PRH1: variants seen among roughly 807,000 people sequenced by gnomAD.
PRH1 encodes the protein salivary acidic proline-rich phosphoprotein 1/2.
In PRH1, 7 loss-of-function variants were observed where a neutral mutation model predicts 7.9. The observed-to-expected ratio is 0.89, with a 90% confidence interval of 0.50 to 1.67. The LOEUF is 1.67. PRH1 is among the 40% of genes most tolerant of loss of function. The pLI is 0.00. For synonymous variants in PRH1, 45 were observed against 80.8 expected (o/e 0.56, Z 2.38); for missense variants, 109 against 223.6 (o/e 0.49, Z 3.27).
intron 2 of PRH1, among the ~76,000 whole-genome samples, chr12:10,897,159 G>A (rs930486009): frequency 2.6e-5 from 4 of 151,956 alleles, no homozygotes; most frequent in Non-Finnish European, 5.9e-5. Flanking sequence ...TGTCTGATAC[G>A]GTAGATACTA....
At chr12:11,056,655 T>C (rs560322672) in intron 1 of PRH1, among the ~76,000 whole-genome samples, 41 of 152,212 alleles carry the variant, frequency 2.7e-4, no homozygotes, top group African/African-American at 7.9e-4. Flanking sequence ...CTATATCCAC[T>C]AGAAATGCAA....
upstream of PRH1, chr12:11,049,162 A>C (rs750046615): frequency 7.5e-5 from 72 of 962,586 alleles, no homozygotes; most frequent in Non-Finnish European, 9.2e-5. Flanking sequence ...CCACTCAAGG[A>C]CACCTACTAG....
At chr12:11,156,496 A>G (rs1947252736) in intron 1 of PRH1, among the ~76,000 whole-genome samples, 1 of 152,188 alleles carries the variant, frequency 6.6e-6, no homozygotes, top group African/African-American at 2.4e-5. Flanking sequence ...TTCTGACTGT[A>G]GCCTCAATGC....
intron 1 of PRH1, among the ~76,000 whole-genome samples, chr12:11,001,984 C>T (rs980081246): frequency 8.6e-5 from 13 of 151,982 alleles, no homozygotes; most frequent in African/African-American, 2.9e-4. Flanking sequence ...TTATTAACAC[C>T]GCAACTAAAT....
chr12:11,035,907 G>T (rs1942415684), intron 1 of PRH1, among the ~76,000 whole-genome samples: 1 of 151,968 alleles, frequency 6.6e-6, no homozygotes, highest in South Asian at 2.1e-4. Flanking sequence ...GTTTTGTTTT[G>T]TTTTTTGAGA....
chr12:11,091,115 C>CATATAT (rs1555163213), intron 1 of PRH1, among the ~76,000 whole-genome samples: 1,065 of 25,116 alleles, frequency 0.042, 213 homozygotes, highest in African/African-American at 0.079. Context: ...CACACACACA[C>CATATAT]ATATATATAT....
upstream of PRH1, among the ~76,000 whole-genome samples, chr12:11,051,408 T>C (rs908245486): frequency 1.3e-5 from 2 of 152,200 alleles, no homozygotes; most frequent in African/African-American, 4.8e-5. Context: ...ATAATTTTCA[T>C]GGAACATTTC....
At chr12:10,996,246 T>C (rs955693900) in intron 1 of PRH1, among the ~76,000 whole-genome samples, 1 of 151,882 alleles carries the variant, frequency 6.6e-6, no homozygotes, top group African/African-American at 2.4e-5. Flanking sequence ...TGGAAATCAC[T>C]TGAACCCCAG....
At chr12:11,105,936 C>CTTTTT (rs765916131) in intron 1 of PRH1, among the ~76,000 whole-genome samples, 8 of 94,952 alleles carry the variant, frequency 8.4e-5, no homozygotes, top group East Asian at 2.5e-4. Flanking sequence ...ATAACTTATT[C>CTTTTT]TTTTTTTTTT....
chr12:11,104,181 T>TAAAAAAAAAAAAAAAAAAAAAAGA (rs1945340187), intron 1 of PRH1, among the ~76,000 whole-genome samples: 10 of 49,564 alleles, frequency 2.0e-4, no homozygotes, highest in Admixed American at 2.3e-4. Flanking sequence ...AATGAAAGAG[T>TAAAAAAAAAAAAAAAAAAAAAAGA]AAAAAAAAAA....
At chr12:10,986,763 A>G in intron 1 of PRH1, 2 of 1,610,734 alleles carry the variant, frequency 1.2e-6, no homozygotes, top group Non-Finnish European at 1.7e-6. Context: ...CACCCAGTCA[A>G]TGAAATTTAC....
At chr12:10,983,606 C>G (rs1306066294) in intron 1 of PRH1, among the ~76,000 whole-genome samples, 1 of 152,178 alleles carries the variant, frequency 6.6e-6, no homozygotes, top group Admixed American at 6.5e-5. Flanking sequence ...CAGGGAAACC[C>G]TGGCCAATGG....
intron 1 of PRH1, among the ~76,000 whole-genome samples, chr12:11,149,386 G>A (rs1946987774): frequency 1.3e-5 from 2 of 152,174 alleles, no homozygotes; most frequent in Non-Finnish European, 2.9e-5. Flanking sequence ...AAAGAACAAA[G>A]CTGGAGGCAT....
intron 2 of PRH1, chr12:10,929,343 C>A (rs367724369): frequency 5.6e-5 from 91 of 1,613,860 alleles, no homozygotes; most frequent in Non-Finnish European, 7.5e-5. Context: ...TGAAGGTAAG[C>A]CGAATTGGGG....
At chr12:10,988,381 ATAAT>A (rs896076757) in intron 1 of PRH1, among the ~76,000 whole-genome samples, 3 of 152,082 alleles carry the variant, frequency 2.0e-5, no homozygotes, top group Non-Finnish European at 4.4e-5. Context: ...TGTGAGGTAG[ATAAT>A]TAAAGGTAAT....
intron 1 of PRH1, among the ~76,000 whole-genome samples, chr12:11,066,194 CGTGAGT>C (rs370203318): frequency 0.012 from 1,451 of 119,642 alleles, no homozygotes; most frequent in South Asian, 0.027. Flanking sequence ...AATCCCTATC[CGTGAGT>C]ATAGTTTTGT....
chr12:10,885,330 C>T (rs1470287164), upstream of PRH1, among the ~76,000 whole-genome samples: 4 of 152,108 alleles, frequency 2.6e-5, no homozygotes, highest in Non-Finnish European at 4.4e-5. Flanking sequence ...TTCTTTTTCT[C>T]GCACTTATTT....
In PRH1 at chr12:10,997,352, G is replaced by A. The variant is rs779378735; in HGVS notation, c.-125-23631C>T. The A allele has an allele frequency of 9.3e-6, 15 of 1,613,964 alleles. No individual in the cohort carries two copies. In the East Asian group the frequency reaches 2.0e-4, roughly 22 times the overall value. On this transcript the variant is annotated intron_variant, in intron 1 of 3. Coordinates refer to the PRH1 transcript ENST00000539853. ...TGCTAGCATGGCTACAGTCAAGTTGGAAAGGTGCATTGCATTCCTCAGTTT... is the reference window on the plus strand; with the variant it reads ...TGCTAGCATGGCTACAGTCAAGTTGAAAAGGTGCATTGCATTCCTCAGTTT...
intron 1 of PRH1, among the ~76,000 whole-genome samples, chr12:11,075,903 T>TTC (rs377319232): frequency 0.12 from 7,504 of 60,412 alleles, 543 homozygotes; most frequent in Non-Finnish European, 0.19. Context: ...TAACGTATCA[T>TTC]TTTTGACCAA....
Sources: gnomAD v4.1 joint callset for allele counts (sites outside exome capture counted in the v4.1 genomes callset) on GRCh38, gnomAD v4.1.1 for gene constraint, MANE v1.5 for transcripts, NCBI Gene and HGNC (gene_info 2026-07-23, HGNC 2026-07-21) for gene names.